Variants in GAS2L3 observed in about 807,000 individuals in gnomAD.
The protein encoded by GAS2L3 is GAS2-like protein 3.
A neutral mutation model predicts 37.0 loss-of-function variants in GAS2L3; 28 were observed. The ratio of observed to expected loss-of-function variants is 0.76; its 90% CI spans 0.56 to 1.04. The LOEUF (loss-of-function observed/expected upper bound fraction) is 1.04. GAS2L3 is among the 50% of genes least tolerant of loss of function. GAS2L3 has a pLI of 0.00. For synonymous variants in GAS2L3, 290 were observed against 296.6 expected, an observed-to-expected ratio of 0.98 and a Z score of 0.23; for missense variants, 793 against 817.6, an observed-to-expected ratio of 0.97 and a Z score of 0.37.
In GAS2L3 at chr12:100,612,148, G is replaced by T; in HGVS notation, c.445+7G>T. 4 of 1,610,876 alleles carry T rather than the reference G, an allele frequency of 2.5e-6. No homozygotes were observed. Among genetic ancestry groups the T allele is most frequent in the East Asian group, 2.2e-5 (1 of 44,810 alleles). On this transcript the variant is annotated splice_region_variant and intron_variant, in intron 6 of 9. Transcript: ENST00000547754. ...TTTGAATCTGAAGGTTTAGGTAAGT[G>T]ATGTTCTTGTCATTCTTGTTTTTAA...
At position 100,623,984 on chromosome 12, in the gene GAS2L3, G is replaced by T. The variant is rs775745157; in HGVS notation, c.1179G>T (p.Lys393Asn). The T allele has an allele frequency of 4.3e-6, 7 of 1,614,000 alleles. No homozygotes were observed. Among genetic ancestry groups the T allele is most frequent in the Non-Finnish European group, 5.1e-6 (6 of 1,179,996 alleles). Reference sequence around the variant, plus strand: ...TCAAGTCTTCAAAAGGCATAACGAAGAAACCGCAGGCTCCTTCAAACAATG... The same window carrying T: ...TCAAGTCTTCAAAAGGCATAACGAATAAACCGCAGGCTCCTTCAAACAATG... ...PKLKSSKGIT[K>N]KPQAPSNNAS... Residue 393 changes from lysine (K) to asparagine (N), a missense_variant, in exon 10 of 10, where the codon AAG becomes AAT. Coordinates refer to ENST00000547754, the MANE Select transcript of GAS2L3 (RefSeq NM_174942.3).
chr12:100,626,421 C>T lies in GAS2L3; in HGVS notation c.*1531C>T, dbSNP rs2136621296. 6.6e-6 allele frequency: 1 copy of T among 152,288 alleles called. No homozygotes were observed. The highest frequency in any genetic ancestry group is 2.4e-5 in the African/African-American group (1 of 41,568). The allele number at this position is 152,288 out of a possible 1,614,324, so 9.4% of individuals were successfully genotyped here. A position where few individuals can be genotyped will look rare whatever the true frequency, so the allele number is the denominator to read the frequency against. The stretch of plus-strand genomic sequence containing the variant: ...GTGATGCTTCTCTTCTTTAAAGAGA[C>T]AGTCACCAAATACTTGGTTTAACTC... On this transcript the variant is annotated 3_prime_UTR_variant, in exon 10 of 10. Coordinates refer to ENST00000547754, the MANE Select transcript of GAS2L3 (RefSeq NM_174942.3).
At chr12:100,607,487 T>C (rs755460814) in intron 5 of GAS2L3, among the ~76,000 whole-genome samples, 1 of 152,196 alleles carries the variant, frequency 6.6e-6, no homozygotes, top group Non-Finnish European at 1.5e-5. Flanking sequence ...AGTTCTGTGA[T>C]AATACCCCTT....
chr12:100,581,399 A>G (rs1424876933), intron 1 of GAS2L3, among the ~76,000 whole-genome samples: 1 of 152,168 alleles, frequency 6.6e-6, no homozygotes, highest in Non-Finnish European at 1.5e-5. Flanking sequence ...TTATTCTTTG[A>G]ACTTTTAAGG....
At chr12:100,587,648 GA>G (rs1274160707) in intron 1 of GAS2L3, among the ~76,000 whole-genome samples, 1 of 152,210 alleles carries the variant, frequency 6.6e-6, no homozygotes, top group African/African-American at 2.4e-5. Flanking sequence ...GGGAAAAGTT[GA>G]AAGCATTCCC....
chr12:100,621,628 A>C (rs1956252449), intron 8 of GAS2L3, among the ~76,000 whole-genome samples: 1 of 151,970 alleles, frequency 6.6e-6, no homozygotes, highest in Admixed American at 6.6e-5. Flanking sequence ...TTTTAATAAT[A>C]AATTTGATCA....
At chr12:100,601,879 A>G in intron 5 of GAS2L3, 126 bp downstream of exon 5, 1 of 461,856 alleles carries the variant, frequency 2.2e-6, no homozygotes, top group Non-Finnish European at 3.9e-6. Context: ...AATTTACTTA[A>G]CCCTTTTCAA....
rs1397657945 is a variant in GAS2L3, at chr12:100,618,451, A to G, written c.512A>G (p.Tyr171Cys). ...CAGATCTCCTGGTTGGTTTTCAGAT[A>G]CGGGGTTGAGCCACCAGTGTTAGTA... ...LLEIGRIVSR[Y>C]GVEPPVLVKL... The change falls in exon 8 of 10, where the codon TAC (tyrosine) becomes TGC (cysteine). Residue 171 changes from tyrosine (Y) to cysteine (C), a missense_variant and splice_region_variant. Transcript: ENST00000547754. 1 of 1,604,562 alleles carries G rather than the reference A, an allele frequency of 6.2e-7. No homozygotes were observed. Among genetic ancestry groups the G allele is most frequent in the Admixed American group, 1.7e-5 (1 of 58,438 alleles).
chr12:100,579,734 C>T (rs1593157174), intron 1 of GAS2L3: 1 of 745,484 alleles, frequency 1.3e-6, no homozygotes, highest in African/African-American at 1.7e-5. Context: ...TTGTAAGTAC[C>T]AGGGTTGGTG....
At chr12:100,578,878 T>G in intron 1 of GAS2L3, 1 of 780,342 alleles carries the variant, frequency 1.3e-6, no homozygotes, top group Non-Finnish European at 2.3e-6. Context: ...TCTACCCAAA[T>G]ATGGGAGGTG....
chr12:100,624,433 C>T lies in GAS2L3; in HGVS notation c.1628C>T (p.Ala543Val). 6.2e-7 allele frequency: 1 copy of T among 1,614,014 alleles called. No homozygotes were observed. Among genetic ancestry groups the T allele is most frequent in the African/African-American group, 1.3e-5 (1 of 75,026 alleles). The change falls in exon 10 of 10, where the codon GCC becomes GTC. Residue 543 changes from alanine (A) to valine (V), a missense_variant. Ala to Val is a moderately conservative substitution (Grantham distance 64, BLOSUM62 0). Coordinates refer to ENST00000547754, the MANE Select transcript of GAS2L3 (RefSeq NM_174942.3). The stretch of plus-strand genomic sequence containing the variant: ...ACACAGTCTCAACCATCCGATGGAG[C>T]CCCACAAGCAAAGCCAGTCCCAGCA... Reference protein sequence around the residue: ...LGTQSQPSDGAPQAKPVPAQK... With the variant: ...LGTQSQPSDGVPQAKPVPAQK...
chr12:100,594,938 G>A lies in GAS2L3; in HGVS notation c.18+16G>A. The A allele has an allele frequency of 8.3e-7, 1 of 1,209,578 alleles. No individual in the cohort carries two copies. Among genetic ancestry groups the A allele is most frequent in the Non-Finnish European group, 1.2e-6 (1 of 868,654 alleles). 74.9% of individuals were successfully genotyped at this position (1,209,578 alleles called of 1,614,324 possible). ...TGCAATTCAAGTAAGTTTTTTTCTT[G>A]GAAACAATATTTAAATTATGAGATT... On this transcript the variant is annotated intron_variant, in intron 3 of 9. Transcript: ENST00000547754.
chr12:100,579,134 T>C (rs1487117678), intron 1 of GAS2L3: 1 of 697,374 alleles, frequency 1.4e-6, no homozygotes, highest in Non-Finnish European at 2.7e-6. Flanking sequence ...ACATAGTTCA[T>C]TTTCTGCCAT....
At chr12:100,584,755 T>G (rs1482528856) in intron 1 of GAS2L3, among the ~76,000 whole-genome samples, 2 of 151,986 alleles carry the variant, frequency 1.3e-5, no homozygotes, top group Non-Finnish European at 2.9e-5. Flanking sequence ...GTATTTTCAG[T>G]AGAGACAGGG....
intron 1 of GAS2L3, among the ~76,000 whole-genome samples, chr12:100,582,678 A>T (rs891207819): frequency 6.6e-6 from 1 of 152,234 alleles, no homozygotes; most frequent in African/African-American, 2.4e-5. Flanking sequence ...TGACAAAAAA[A>T]CCCAGAGTGT....
chr12:100,576,912 T>C (rs1037033865), intron 1 of GAS2L3, among the ~76,000 whole-genome samples: 1 of 152,236 alleles, frequency 6.6e-6, no homozygotes, highest in Non-Finnish European at 1.5e-5. Flanking sequence ...ATCAGTCATG[T>C]GCTGGATATT....
chr12:100,602,834 T>C (rs775705882), intron 5 of GAS2L3, among the ~76,000 whole-genome samples: 2 of 152,152 alleles, frequency 1.3e-5, no homozygotes, highest in Non-Finnish European at 2.9e-5. Flanking sequence ...GTCCTTCTAC[T>C]ATCTCCGTGA....
At chr12:100,574,917 A>G (rs1459604050) in intron 1 of GAS2L3, among the ~76,000 whole-genome samples, 1 of 152,158 alleles carries the variant, frequency 6.6e-6, no homozygotes, top group Non-Finnish European at 1.5e-5. Flanking sequence ...TCAAAATCTC[A>G]TTAGAAACCA....
At chr12:100,602,063 A>C (rs1955997412) in intron 5 of GAS2L3, among the ~76,000 whole-genome samples, 1 of 152,180 alleles carries the variant, frequency 6.6e-6, no homozygotes, top group Non-Finnish European at 1.5e-5. Context: ...ATAGTGTCTA[A>C]CATAGTGCTT....
Sources: gnomAD v4.1 joint callset for allele counts (sites outside exome capture counted in the v4.1 genomes callset) on GRCh38, gnomAD v4.1.1 for gene constraint, MANE v1.5 for transcripts, NCBI Gene and HGNC (gene_info 2026-07-23, HGNC 2026-07-21) for gene names.